METTL15: variants seen among roughly 807,000 people sequenced by gnomAD.
The protein encoded by METTL15 is 12S rRNA N(4)-cytidine methyltransferase METTL15.
In METTL15, 34 loss-of-function variants were observed where a neutral mutation model predicts 38.3. The ratio of observed to expected loss-of-function variants is 0.89; its 90% confidence interval spans 0.68 to 1.18. The LOEUF is 1.18. METTL15 is among the 50% of genes most tolerant of loss of function. The pLI is 0.00. For synonymous variants in METTL15, 162 were observed against 170.9 expected, an observed-to-expected ratio of 0.95 and a Z score of 0.41; for missense variants, 438 against 498.4, an observed-to-expected ratio of 0.88 and a Z score of 1.15.
At chr11:28,441,581 T>A (rs892879901) in intron 6 of METTL15, among the ~76,000 whole-genome samples, 3 of 152,218 alleles carry the variant, frequency 2.0e-5, no homozygotes, top group Non-Finnish European at 4.4e-5. Flanking sequence ...TTTCTGATTT[T>A]CCTATTTCAG....
At chr11:28,496,294 C>A (rs1401251779) in intron 6 of METTL15, among the ~76,000 whole-genome samples, 1 of 152,180 alleles carries the variant, frequency 6.6e-6, no homozygotes, top group Non-Finnish European at 1.5e-5. Flanking sequence ...TTAAAACCAT[C>A]AGATTCCATG....
chr11:28,408,419 C>A (rs923842498), intron 5 of METTL15, among the ~76,000 whole-genome samples: 8 of 152,204 alleles, frequency 5.3e-5, no homozygotes, highest in Admixed American at 4.6e-4. Flanking sequence ...CTCAGTTATA[C>A]TGGCTTGATG....
At chr11:28,384,630 A>G (rs1850422134) in intron 5 of METTL15, among the ~76,000 whole-genome samples, 1 of 152,064 alleles carries the variant, frequency 6.6e-6, no homozygotes, top group African/African-American at 2.4e-5. Context: ...TTATGATAGA[A>G]TGATTTACAT....
intron 6 of METTL15, among the ~76,000 whole-genome samples, chr11:28,522,665 G>A (rs991448596): frequency 6.6e-6 from 1 of 152,174 alleles, no homozygotes; most frequent in Non-Finnish European, 1.5e-5. Context: ...CAAGAAGGCA[G>A]AAGGAGCCTC....
chr11:28,257,071 G>A lies in METTL15; in HGVS notation c.408-33135G>A, dbSNP rs543815285. Among the ~76,000 whole-genome samples the A allele has an allele frequency of 8.4e-4, 127 of 152,076 alleles. 1 individual carries two copies. The highest frequency in any genetic ancestry group is 3.4e-3 in the Middle Eastern group (1 of 294). ...AGTACTCCCTTGGGCATTTCTTGTC[G>A]GATGGGTCTGGTGTTCATGGAATCC... On this transcript the variant is annotated intron_variant, in intron 4 of 6. Coordinates refer to ENST00000407364, the MANE Select transcript of METTL15 (RefSeq NM_001113528.2).
intron 6 of METTL15, among the ~76,000 whole-genome samples, chr11:28,477,931 T>C (rs1272377519): frequency 6.6e-6 from 1 of 152,208 alleles, no homozygotes; most frequent in Admixed American, 6.5e-5. Flanking sequence ...ATGCATCCTC[T>C]GATAATTGAT....
At chr11:28,531,497 G>T (rs886226748), downstream of METTL15, among the ~76,000 whole-genome samples, 1 of 151,936 alleles carries the variant, frequency 6.6e-6, no homozygotes, top group East Asian at 1.9e-4. Flanking sequence ...TGTGAATCAG[G>T]AATATCTTTA....
chr11:28,112,028 G>T (rs1270544233), intron 2 of METTL15, among the ~76,000 whole-genome samples: 3 of 151,990 alleles, frequency 2.0e-5, no homozygotes, highest in Non-Finnish European at 4.4e-5. Context: ...CTTTGGTGAA[G>T]TTAACATATT....
chr11:28,409,823 A>G (rs11030324), intron 5 of METTL15, among the ~76,000 whole-genome samples: 61,705 of 151,910 alleles, frequency 0.41, 14,296 homozygotes, highest in Admixed American at 0.52. Flanking sequence ...ATAATAGAAA[A>G]CAAATTAACA....
chr11:28,378,751 C>G (rs1164485761), intron 5 of METTL15, among the ~76,000 whole-genome samples: 1 of 142,482 alleles, frequency 7.0e-6, no homozygotes, highest in African/African-American at 2.6e-5. Context: ...GAAGTATTCC[C>G]TCCTCTTCAG....
intron 6 of METTL15, among the ~76,000 whole-genome samples, chr11:28,486,920 G>A (rs1851444104): frequency 6.6e-6 from 1 of 152,074 alleles, no homozygotes; most frequent in African/African-American, 2.4e-5. Context: ...TTCAGTGCTA[G>A]GTGTGGACAG....
At chr11:28,432,059 C>G (rs1850936973) in intron 6 of METTL15, among the ~76,000 whole-genome samples, 1 of 152,136 alleles carries the variant, frequency 6.6e-6, no homozygotes, top group African/African-American at 2.4e-5. Context: ...TTCAACTTTC[C>G]ACTGCAAAAT....
chr11:28,192,255 A>G (rs946745143), intron 3 of METTL15, among the ~76,000 whole-genome samples: 1 of 151,896 alleles, frequency 6.6e-6, no homozygotes, highest in African/African-American at 2.4e-5. Context: ...AACTTGATGT[A>G]TCAAAAAGTT....
rs535710731 is a variant in METTL15 at position 28,501,247 on chromosome 11, A to C, written c.*425-25231A>C. Among the ~76,000 whole-genome samples, 34 of 152,286 alleles carry C rather than the reference A, an allele frequency of 2.2e-4. 2 individuals are homozygous for C. The South Asian group carries it at 6.7e-3, about 30-fold the overall frequency. On this transcript the variant is annotated intron_variant and NMD_transcript_variant, in intron 6 of 7. Coordinates refer to the METTL15 transcript ENST00000532947. ...AGAATTGAATATCAGAGAGAGGAAGAATGTTTGGTGATTTAAAGAAAATGC... is the reference window on the plus strand; with the variant it reads ...AGAATTGAATATCAGAGAGAGGAAGCATGTTTGGTGATTTAAAGAAAATGC...
chr11:28,239,300 A>G (rs1854181600), intron 4 of METTL15, among the ~76,000 whole-genome samples: 1 of 152,166 alleles, frequency 6.6e-6, no homozygotes, highest in Admixed American at 6.5e-5. Flanking sequence ...GGGCAATTCT[A>G]TTTTTCTATT....
At chr11:28,250,824 A>G (rs1337144512) in intron 4 of METTL15, among the ~76,000 whole-genome samples, 1 of 151,986 alleles carries the variant, frequency 6.6e-6, no homozygotes, top group Non-Finnish European at 1.5e-5. Flanking sequence ...AACATTCAAA[A>G]CTTTGCTATT....
At position 28,412,112 on chromosome 11, in the gene METTL15, G is replaced by T. The variant is rs189497002; in HGVS notation, c.*359-12187G>T. Among the ~76,000 whole-genome samples the T allele has an allele frequency of 4.6e-5, 7 of 152,140 alleles. No individual in the cohort carries two copies. In the East Asian group the frequency reaches 1.4e-3, roughly 29 times the overall value. On this transcript the variant is annotated intron_variant and NMD_transcript_variant, in intron 5 of 7. Transcript: ENST00000532947. ...GGATAAGAAATGTTAATGAGGGTAT[G>T]GAGAAAGGGGAACTGTAGTATATTG...
chr11:28,324,137 A>G (rs916077636), intron 6 of METTL15, among the ~76,000 whole-genome samples: 10 of 152,342 alleles, frequency 6.6e-5, no homozygotes, highest in Non-Finnish European at 1.3e-4. Context: ...ATTTTAAAGT[A>G]TAAGGAAGAA....
chr11:28,141,342 G>A (rs979795983), intron 3 of METTL15, among the ~76,000 whole-genome samples: 2 of 152,040 alleles, frequency 1.3e-5, no homozygotes, highest in East Asian at 1.9e-4. Flanking sequence ...CCGAATGCAC[G>A]AGTCTGAAAA....
Sources: gnomAD v4.1 joint callset for allele counts (sites outside exome capture counted in the v4.1 genomes callset) on GRCh38, gnomAD v4.1.1 for gene constraint, MANE v1.5 for transcripts, NCBI Gene and HGNC (gene_info 2026-07-23, HGNC 2026-07-21) for gene names.